AFMID: variants seen among roughly 807,000 people sequenced by gnomAD.
AFMID encodes the protein kynurenine formamidase.
A neutral mutation model predicts 47.5 loss-of-function variants in AFMID; 39 were observed. That is an observed-to-expected ratio of 0.82 (90% CI 0.64 to 1.07). The LOEUF (loss-of-function observed/expected upper bound fraction) is 1.07, where lower values mean the gene tolerates loss of function less well. Ranked by LOEUF, AFMID falls within the 50% of genes least tolerant of loss-of-function variation. AFMID has a pLI of 0.00. For missense variants in AFMID, 375 were observed against 387.5 expected, an observed-to-expected ratio of 0.97 and a Z score of 0.27; for synonymous variants, 130 against 153.2, an observed-to-expected ratio of 0.85 and a Z score of 1.12.
Position 78,202,729 on chromosome 17 carries a change from G to A in AFMID, c.286G>A (p.Gly96Arg), listed in dbSNP as rs143041961. ...EALPFFLFFH[G>R]GYWQSGSKDE... is the part of the protein sequence containing the mutation. ...CTTGCCTTTCTTCCTGTTCTTTCAC[G>A]GAGGATACTGGCAGAGCGGAAGGTG... The change falls in exon 4 of 11, where the codon GGA (glycine) becomes AGA (arginine). Residue 96 changes from glycine to arginine, a missense_variant. Gly to Arg is a moderately radical substitution (Grantham distance 125). Transcript: ENST00000409257. The A allele has an allele frequency of 4.7e-4, 738 of 1,558,978 alleles. 4 individuals carry two copies. In the African/African-American group the frequency reaches 8.1e-3, roughly 17 times the overall value.
At chr17:78,203,371 T>C (rs1186664023) in intron 4 of AFMID, 1 of 151,304 alleles carries the variant, frequency 6.6e-6, no homozygotes, top group Non-Finnish European at 1.5e-5. Flanking sequence ...CCTTTTTTTT[T>C]TTTTTTTTTT....
chr17:78,200,380 C>T (rs72897828), intron 2 of AFMID, among the ~76,000 whole-genome samples: 7,271 of 152,270 alleles, frequency 0.048, 252 homozygotes, highest in Non-Finnish European at 0.068. Flanking sequence ...GTCTCAACTC[C>T]TGACCTCAAG....
intron 7 of AFMID, 48 bp from the exon 8 acceptor site, chr17:78,205,392 C>A: frequency 6.2e-7 from 1 of 1,606,624 alleles, no homozygotes; most frequent in Non-Finnish European, 8.5e-7. Context: ...CTGGCCCTGC[C>A]TTGCTCCGCC....
chr17:78,190,894 C>A, intron 1 of AFMID, 76 bp from the exon 2 acceptor site: 1 of 1,347,404 alleles, frequency 7.4e-7, no homozygotes, highest in Non-Finnish European at 1.0e-6. Flanking sequence ...GAGGAGCAGC[C>A]GGGCATGGGC....
Position 78,204,918 on chromosome 17 carries a change from A to G in AFMID, c.467+18A>G, listed in dbSNP as rs1478192068. 1 of 1,613,978 alleles carries G rather than the reference A, an allele frequency of 6.2e-7. No individual in the cohort carries two copies. The highest frequency in any genetic ancestry group is 8.5e-7 in the Non-Finnish European group (1 of 1,180,014). ...AGCAACAAGTGGGTGTTGCCAGTAG[A>G]TTTTCTTCCTGTTGGACCTCAGTGG... On this transcript the variant is annotated intron_variant, in intron 6 of 10. Coordinates refer to ENST00000409257, the MANE Select transcript of AFMID (RefSeq NM_001010982.5).
At chr17:78,197,043 G>T in intron 2 of AFMID, 1 of 961,976 alleles carries the variant, frequency 1.0e-6, no homozygotes, top group South Asian at 1.4e-5. Flanking sequence ...GCATGATAAT[G>T]AACACCTATA....
intron 2 of AFMID, among the ~76,000 whole-genome samples, chr17:78,191,284 C>T (rs568614457): frequency 1.3e-5 from 2 of 152,278 alleles, no homozygotes; most frequent in African/African-American, 4.8e-5. Flanking sequence ...GTCCACGGCT[C>T]AGTCGACCAT....
chr17:78,202,871 T>C (rs1029697376), intron 4 of AFMID, 120 bp downstream of exon 4: 2 of 1,215,932 alleles, frequency 1.6e-6, no homozygotes, highest in African/African-American at 3.0e-5. Context: ...CAGGGCTGTG[T>C]CTCACAGCGC....
chr17:78,198,815 A>G (rs1353886341), intron 2 of AFMID, among the ~76,000 whole-genome samples: 1 of 151,538 alleles, frequency 6.6e-6, no homozygotes, highest in Non-Finnish European at 1.5e-5. Context: ...TCTCAAAAAA[A>G]CAAAACAAAA....
chr17:78,205,710 T>A lies in AFMID; in HGVS notation c.752T>A (p.Phe251Tyr). The part of the protein sequence containing the change: ...VVVGQFDSPE[F>Y]HRQSWEFYQT... ...GTGGGCCAGTTCGACTCCCCCGAAT[T>A]CCACCGACAGTCCTGGGAGTTTTAC... Residue 251 changes from phenylalanine (F) to tyrosine (Y), a missense_variant, in exon 9 of 11, where the codon TTC becomes TAC. Physicochemically the swap from Phe to Tyr is conservative, Grantham distance 22. Transcript: ENST00000409257. 1 of 1,611,224 alleles carries A rather than the reference T, an allele frequency of 6.2e-7. No individual in the cohort carries two copies. The highest frequency in any genetic ancestry group is 8.5e-7 in the Non-Finnish European group (1 of 1,179,994).
chr17:78,192,079 A>G (rs528844432), intron 2 of AFMID, among the ~76,000 whole-genome samples: 1 of 151,004 alleles, frequency 6.6e-6, no homozygotes, highest in Admixed American at 6.6e-5. Context: ...ACTCACCGCT[A>G]ACTTCGCCTC....
chr17:78,189,219 CTTT>C (rs770863206), intron 1 of AFMID, among the ~76,000 whole-genome samples: 1 of 122,744 alleles, frequency 8.1e-6, no homozygotes, highest in Admixed American at 8.2e-5. Context: ...TTCCTTGTTA[CTTT>C]TTTTTTTTTT....
intron 2 of AFMID, among the ~76,000 whole-genome samples, chr17:78,191,279 C>T (rs1031480011): frequency 3.3e-5 from 5 of 152,160 alleles, no homozygotes; most frequent in South Asian, 2.1e-4. Context: ...GGGAGGTCCA[C>T]GGCTCAGTCG....
At position 78,207,270 on chromosome 17, in the gene AFMID, CTTCTT is replaced by C. The variant is rs2076405630; in HGVS notation, c.*336_*340del. On this transcript the variant is annotated 3_prime_UTR_variant, in exon 11 of 11. Coordinates refer to ENST00000409257, the MANE Select transcript of AFMID (RefSeq NM_001010982.5). ...ATGACGCTCAAAAGTAATGCCATTA[CTTCTT>C]TTTTTTTTTTTTTTTTTTTTTTTTT... 2.1e-5 allele frequency: 3 copies of C among 145,800 alleles called. No individual in the cohort carries two copies. Among genetic ancestry groups the C allele is most frequent in the South Asian group, 1.3e-4 (1 of 7,802 alleles). 9.0% of individuals were successfully genotyped at this position (145,800 alleles called of 1,614,324 possible).
In AFMID at chr17:78,207,012, C is replaced by G; in HGVS notation, c.*75C>G. The G allele has an allele frequency of 1.3e-6, 2 of 1,492,420 alleles. No individual in the cohort carries two copies. Among genetic ancestry groups the G allele is most frequent in the Non-Finnish European group, 1.9e-6 (2 of 1,069,378 alleles). 92.4% of individuals were successfully genotyped at this position (1,492,420 alleles called of 1,614,324 possible). ...CTCTCCAAAGAGCTTTCGGAGCTGA[C>G]ACTGACAGCTTCAGTTTCCCCCAGC... On this transcript the variant is annotated 3_prime_UTR_variant, in exon 11 of 11. Coordinates refer to ENST00000409257, the MANE Select transcript of AFMID (RefSeq NM_001010982.5).
At position 78,202,685 on chromosome 17, in the gene AFMID, C is replaced by G; in HGVS notation, c.260-18C>G. 1.9e-6 allele frequency: 3 copies of G among 1,564,228 alleles called. No homozygotes were observed. Among genetic ancestry groups the G allele is most frequent in the Non-Finnish European group, 1.7e-6 (2 of 1,154,398 alleles). ...GCAGGGCGGGCCTTGCTCACACGCC[C>G]TGTGCTTGGTTTTGCAGCCTTGCCT... is the stretch of plus-strand genomic sequence containing the variant. On this transcript the variant is annotated intron_variant, in intron 3 of 10. Transcript: ENST00000409257.
intron 8 of AFMID, 21 bp from the exon 9 acceptor site, chr17:78,205,582 C>T: frequency 9.3e-6 from 15 of 1,614,032 alleles, no homozygotes; most frequent in Non-Finnish European, 1.2e-5. Context: ...TGTCCTGACC[C>T]CTGTCCACTC....
intron 2 of AFMID, among the ~76,000 whole-genome samples, chr17:78,201,413 G>A (rs2076239604): frequency 6.6e-6 from 1 of 151,984 alleles, no homozygotes; most frequent in African/African-American, 2.4e-5. Context: ...CTGAGGTTGA[G>A]CTCGAGACCA....
intron 4 of AFMID, 162 bp downstream of exon 4, chr17:78,202,913 C>A: frequency 2.2e-6 from 2 of 897,132 alleles, no homozygotes; most frequent in Admixed American, 2.2e-5. Context: ...CAAATGTGGG[C>A]AGGGTTCCTA....
Sources: allele counts gnomAD v4.1 joint callset (sites outside exome capture counted in the v4.1 genomes callset), GRCh38; gene constraint gnomAD v4.1.1; transcripts MANE v1.5; gene names NCBI Gene and HGNC (gene_info 2026-07-23, HGNC 2026-07-21).